Variants in STK40 observed in about 807,000 individuals in gnomAD.
STK40 encodes serine/threonine kinase 40.
In STK40, 13 loss-of-function variants were observed where a neutral mutation model predicts 47.9. That is an observed-to-expected ratio of 0.27 (90% CI 0.18 to 0.43). The LOEUF is 0.43. STK40 is among the 20% of genes least tolerant of loss of function. The pLI is 1.00. For synonymous variants in STK40, 225 were observed against 243.2 expected (o/e 0.93, Z 0.69); for missense variants, 460 against 595.1 (o/e 0.77, Z 2.36).
intron 1 of STK40, among the ~76,000 whole-genome samples, chr1:36,383,753 C>T (rs1647060806): frequency 6.6e-6 from 1 of 152,194 alleles, no homozygotes. Flanking sequence ...GCTTCACTTG[C>T]ACCATATCAA....
At chr1:36,362,531 T>C (rs1646861722) in intron 1 of STK40, 1 of 152,144 alleles carries the variant, frequency 6.6e-6, no homozygotes, top group Non-Finnish European at 1.5e-5. Context: ...TGGTGAGAGG[T>C]GGCCCAGGAT....
chr1:36,371,184 T>C (rs916080933), intron 1 of STK40, among the ~76,000 whole-genome samples: 2 of 145,416 alleles, frequency 1.4e-5, no homozygotes, highest in African/African-American at 2.5e-5. Context: ...CAGCCCCATA[T>C]ACTTTAAATC....
intron 1 of STK40, among the ~76,000 whole-genome samples, chr1:36,368,342 C>T (rs1646918835): frequency 6.6e-6 from 1 of 152,132 alleles, no homozygotes; most frequent in South Asian, 2.1e-4. Context: ...CTTCCACCTG[C>T]CAGGCCCAAG....
intron 1 of STK40, among the ~76,000 whole-genome samples, chr1:36,385,453 C>A (rs1377693687): frequency 1.3e-5 from 2 of 152,228 alleles, no homozygotes; most frequent in Non-Finnish European, 2.9e-5. Context: ...CTGGGTGACT[C>A]TAGGCAAAGC....
chr1:36,362,464 C>G (rs775792127), intron 1 of STK40: 1 of 152,214 alleles, frequency 6.6e-6, no homozygotes, highest in Non-Finnish European at 1.5e-5. Flanking sequence ...AAATGGCATG[C>G]AAGCCACCAA....
At chr1:36,371,206 T>C (rs1252129846) in intron 1 of STK40, among the ~76,000 whole-genome samples, 2 of 151,152 alleles carry the variant, frequency 1.3e-5, no homozygotes, top group African/African-American at 2.4e-5. Context: ...TCTCTAGATT[T>C]ATAATACCTA....
intron 1 of STK40, among the ~76,000 whole-genome samples, chr1:36,383,111 G>C (rs1385840029): frequency 6.6e-6 from 1 of 152,128 alleles, no homozygotes; most frequent in East Asian, 1.9e-4. Context: ...ACCACGTCCG[G>C]CTAATTTTGT....
intron 4 of STK40, 108 bp from the exon 5 acceptor site, chr1:36,355,541 T>C: frequency 8.2e-7 from 1 of 1,217,750 alleles, no homozygotes; most frequent in Non-Finnish European, 1.2e-6. Flanking sequence ...TGAGGGAGCC[T>C]GGAATTAGCC....
chr1:36,369,527 G>A (rs770902200), intron 1 of STK40, among the ~76,000 whole-genome samples: 13 of 152,092 alleles, frequency 8.5e-5, no homozygotes, highest in Non-Finnish European at 1.3e-4. Context: ...ACACAATCCC[G>A]AGTATGCCAT....
At chr1:36,363,195 C>T (rs561765485) in intron 1 of STK40, among the ~76,000 whole-genome samples, 42 of 151,798 alleles carry the variant, frequency 2.8e-4, no homozygotes, top group Non-Finnish European at 5.4e-4. Flanking sequence ...GCGCCTGTCT[C>T]GGGAGGCTGA....
At position 36,344,887 on chromosome 1, in the gene STK40, G is replaced by T. The variant is rs556705657; in HGVS notation, c.740-623C>A. Reference sequence around the variant, plus strand: ...AAGCGAAAAGGAGCAGGCATCTAACGGAGCACCCGCTTTAGGACAGCATGG... The same window carrying T: ...AAGCGAAAAGGAGCAGGCATCTAACTGAGCACCCGCTTTAGGACAGCATGG... On this transcript the variant is annotated intron_variant, in intron 7 of 10. Coordinates refer to ENST00000373132, the MANE Select transcript of STK40 (RefSeq NM_001282547.2). 1.4e-3 allele frequency among the ~76,000 whole-genome samples: 210 copies of T among 152,350 alleles called. 5 individuals carry two copies. The South Asian group carries it at 0.043, about 31-fold the overall frequency.
At chr1:36,376,258 A>T (rs949784125) in intron 1 of STK40, among the ~76,000 whole-genome samples, 4 of 152,130 alleles carry the variant, frequency 2.6e-5, no homozygotes, top group African/African-American at 4.8e-5. Context: ...GTGAAAGACT[A>T]TGTCCATGCA....
chr1:36,345,991 A>ATTTTTTTTTTTTTTTTTTTT (rs143130232), intron 7 of STK40, among the ~76,000 whole-genome samples: 1 of 26,466 alleles, frequency 3.8e-5, no homozygotes, highest in Non-Finnish European at 6.9e-5. Flanking sequence ...ATATATATAT[A>ATTTTTTTTTTTTTTTTTTTT]TTTTTTTTTT....
At chr1:36,359,389 G>C (rs1333467736) in intron 2 of STK40, among the ~76,000 whole-genome samples, 1 of 152,190 alleles carries the variant, frequency 6.6e-6, no homozygotes, top group African/African-American at 2.4e-5. Flanking sequence ...CAGGGCAACA[G>C]AACAAAGCCC....
rs747600804 is a variant in STK40, at chr1:36,344,233, C to T, written c.771G>A (p.Met257Ile). 8 of 1,611,918 alleles carry T rather than the reference C, an allele frequency of 5.0e-6. No individual in the cohort carries two copies. The highest frequency in any genetic ancestry group is 2.2e-5 in the South Asian group (2 of 90,904). ...GRPYRGKPSDMWALGVVLFTM... is the reference protein window; with the variant it reads ...GRPYRGKPSDIWALGVVLFTM... ...TGAAGAGCACCACGCCCAGGGCCCA[C>T]ATGTCACTGGGCTTGCCACGGTACG... is the stretch of plus-strand genomic sequence containing the variant. The change falls in exon 8 of 11, where the codon ATG (methionine) becomes ATA (isoleucine). Residue 257 changes from methionine to isoleucine, a missense_variant. This residue lies in a region of STK40 where 277 missense variants were observed against 358.7 expected (regional missense o/e 0.77). Coordinates refer to ENST00000373132, the MANE Select transcript of STK40 (RefSeq NM_001282547.2).
intron 1 of STK40, among the ~76,000 whole-genome samples, chr1:36,371,512 T>C (rs907656096): frequency 4.8e-4 from 72 of 150,806 alleles, no homozygotes; most frequent in African/African-American, 1.6e-3. Context: ...CGAGATCAGA[T>C]TGCACCACTG....
rs1340476984 is a variant in STK40, at chr1:36,354,024, C to G, written c.623+340G>C. Reference sequence around the variant, plus strand: ...AAGTGATCCTCCCGCCTCAGCCTCCCAAAGTGCTGGGATTACAGGCGGGAG... The same window carrying G: ...AAGTGATCCTCCCGCCTCAGCCTCCGAAAGTGCTGGGATTACAGGCGGGAG... On this transcript the variant is annotated intron_variant, in intron 6 of 10. Coordinates refer to ENST00000373132, the MANE Select transcript of STK40 (RefSeq NM_001282547.2). 2.0e-5 allele frequency among the ~76,000 whole-genome samples: 3 copies of G among 152,186 alleles called. No individual in the cohort carries two copies. In the East Asian group the frequency reaches 5.8e-4, roughly 29 times the overall value.
In STK40 at chr1:36,341,633, C is replaced by T; in HGVS notation, c.*122G>A. The T allele has an allele frequency of 2.4e-6, 3 of 1,247,736 alleles. No individual in the cohort carries two copies. Among genetic ancestry groups the T allele is most frequent in the Non-Finnish European group, 3.4e-6 (3 of 893,232 alleles). 77.3% of individuals were successfully genotyped at this position (1,247,736 alleles called of 1,614,324 possible). A position where few individuals can be genotyped will look rare whatever the true frequency, so the allele number is the denominator to read the frequency against. ...CACGTGTGACCTGGGCTGTCCCTGT[C>T]CCTGCCCTGTCCCTATTGTGGCCCG... On this transcript the variant is annotated 3_prime_UTR_variant, in exon 11 of 11. Transcript: ENST00000373132.
intron 2 of STK40, among the ~76,000 whole-genome samples, chr1:36,360,549 T>TA (rs201759701): frequency 2.0e-5 from 3 of 148,912 alleles, no homozygotes; most frequent in East Asian, 1.9e-4. Flanking sequence ...TATTTTATTT[T>TA]TTTAGAGAGA....
Sources: allele counts gnomAD v4.1 joint callset (sites outside exome capture counted in the v4.1 genomes callset), GRCh38; gene constraint gnomAD v4.1.1; regional missense constraint gnomAD v4.1.1; transcripts MANE v1.5; gene names NCBI Gene and HGNC (gene_info 2026-07-23, HGNC 2026-07-21).